The following ANKUB1 variants were observed in gnomAD, a reference collection of about 807,000 sequenced individuals.
ANKUB1 encodes the protein ankyrin repeat and ubiquitin domain containing 1.
Under a neutral mutation model 49.3 loss-of-function variants are expected in ANKUB1, and 42 were observed. The observed-to-expected ratio is 0.85, with a 90% confidence interval of 0.67 to 1.10. The LOEUF (loss-of-function observed/expected upper bound fraction) is 1.10. ANKUB1 is among the 50% of genes least tolerant of loss of function. The pLI, the probability that ANKUB1 is intolerant of heterozygous loss-of-function variation, is 0.00. For synonymous variants in ANKUB1, 222 were observed against 231.0 expected (o/e 0.96, Z 0.35); for missense variants, 613 against 642.0 (o/e 0.95, Z 0.49).
intron 5 of ANKUB1, among the ~76,000 whole-genome samples, chr3:149,762,742 C>G (rs1189377491): frequency 1.3e-5 from 2 of 152,214 alleles, no homozygotes; most frequent in African/African-American, 4.8e-5. Context: ...CCTCCTACCC[C>G]ATGGAAGGGG....
chr3:149,774,860 C>A (rs1424912314), intron 3 of ANKUB1, among the ~76,000 whole-genome samples: 2 of 152,108 alleles, frequency 1.3e-5, no homozygotes. Context: ...CTTCATAAGC[C>A]TAGGAATTCT....
chr3:149,782,485 G>A (rs964786403), intron 2 of ANKUB1, among the ~76,000 whole-genome samples: 2 of 152,084 alleles, frequency 1.3e-5, no homozygotes, highest in Non-Finnish European at 2.9e-5. Context: ...ATAAAGATAA[G>A]CATGTATAAC....
intron 2 of ANKUB1, 63 bp downstream of exon 2, chr3:149,790,718 T>C: frequency 6.9e-7 from 1 of 1,456,962 alleles, no homozygotes; most frequent in Admixed American, 2.6e-5. Flanking sequence ...TTGGTTGACT[T>C]ATCCCCAACT....
chr3:149,765,638 C>T (rs572716874), intron 5 of ANKUB1, among the ~76,000 whole-genome samples: 46 of 152,264 alleles, frequency 3.0e-4, no homozygotes, highest in South Asian at 2.1e-3. Flanking sequence ...ATAGTAAACA[C>T]TTACTGAATG....
chr3:149,791,022 T>A (rs1272368662), intron 1 of ANKUB1, 98 bp from the exon 2 acceptor site: 3 of 1,253,350 alleles, frequency 2.4e-6, no homozygotes, highest in African/African-American at 1.5e-5. Flanking sequence ...CTCTGGGCAT[T>A]ATAATTGTTT....
chr3:149,773,532 A>T (rs991035306), intron 3 of ANKUB1, among the ~76,000 whole-genome samples: 2 of 152,186 alleles, frequency 1.3e-5, no homozygotes, highest in Non-Finnish European at 2.9e-5. Flanking sequence ...ACCTTGATAA[A>T]CATTTTCCAA....
At chr3:149,764,651 T>TTTCC (rs1270399403) in intron 5 of ANKUB1, among the ~76,000 whole-genome samples, 1 of 84,818 alleles carries the variant, frequency 1.2e-5, no homozygotes, top group African/African-American at 4.7e-5. Context: ...TCTTTCTTTC[T>TTTCC]TTCCTTCCTT....
intron 3 of ANKUB1, among the ~76,000 whole-genome samples, chr3:149,774,143 C>G (rs1048420778): frequency 2.6e-5 from 4 of 152,192 alleles, no homozygotes; most frequent in Non-Finnish European, 5.9e-5. Flanking sequence ...CAATATTCTA[C>G]CCCACTTTTT....
intron 3 of ANKUB1, among the ~76,000 whole-genome samples, chr3:149,777,203 G>A (rs1717635292): frequency 6.6e-6 from 1 of 152,142 alleles, no homozygotes; most frequent in Admixed American, 6.5e-5. Context: ...GCCGGGTGTG[G>A]TGGCTCACGC....
In ANKUB1 at chr3:149,780,249, C is replaced by T; in HGVS notation, c.441G>A (p.Gln147=). 1.3e-6 allele frequency: 2 copies of T among 1,551,690 alleles called. No individual in the cohort carries two copies. The highest frequency in any genetic ancestry group is 2.0e-5 in the Admixed American group (1 of 51,008). The part of the protein sequence containing the change: ...MYDCNTLKDY[Q]TDIGTTLRLD... ...TATACTGGGCAGTACCAATATCAGT[C>T]TGGTAGTCCTTGAGGGTGTTGCAAT... The change falls in exon 3 of 6, where the codon CAG becomes CAA. Residue 147 remains glutamine, a synonymous_variant. Transcript: ENST00000446160.
intron 2 of ANKUB1, among the ~76,000 whole-genome samples, chr3:149,784,626 C>T (rs565831615): frequency 3.3e-5 from 5 of 152,238 alleles, no homozygotes; most frequent in East Asian, 1.9e-4. Context: ...TCCAATCTTC[C>T]GAAAACTACT....
rs144785380 is a variant in ANKUB1 at position 149,790,882 on chromosome 3, G to A, written c.133C>T (p.Arg45Trp). ...IPLSEDKQGR[R>W]YLELMYAGAA... ...CCAGCATACATTAACTCCAGATACC[G>A]CCTGCCTTGTTTGTCTTCAGAGAGA... Residue 45 changes from arginine (R) to tryptophan (W), a missense_variant, in exon 2 of 6, where the codon CGG (arginine) becomes TGG (tryptophan). Coordinates refer to ENST00000446160, the MANE Select transcript of ANKUB1 (RefSeq NM_001144960.3). 7.7e-4 allele frequency: 1,202 copies of A among 1,551,914 alleles called. 9 individuals carry two copies. The African/African-American group carries it at 0.013, about 17-fold the overall frequency.
rs536450401 is a variant in ANKUB1, at chr3:149,767,661, C to T, written c.1001G>A (p.Cys334Tyr). 8.2e-5 allele frequency: 127 copies of T among 1,551,686 alleles called. No individual in the cohort carries two copies. The South Asian group carries it at 1.4e-3, about 17-fold the overall frequency. The change falls in exon 5 of 6, where the codon TGT becomes TAT. Residue 334 changes from cysteine (C) to tyrosine (Y), a missense_variant. Physicochemically the swap from Cys to Tyr is radical, Grantham distance 194. Coordinates refer to ENST00000446160, the MANE Select transcript of ANKUB1 (RefSeq NM_001144960.3). The stretch of plus-strand genomic sequence containing the variant: ...TTTTGCCCCAAAGACCCTTGCTCCA[C>T]AAAACTGGCTTTTATGAAGACTGTG... ...QSHSLHKSQF[C>Y]GARVFGAKVG... is the part of the protein sequence containing the mutation.
At chr3:149,766,036 C>T (rs1716997664) in intron 5 of ANKUB1, among the ~76,000 whole-genome samples, 1 of 152,174 alleles carries the variant, frequency 6.6e-6, no homozygotes, top group East Asian at 1.9e-4. Context: ...CTTTACTTCT[C>T]ATTATATTGA....
chr3:149,767,126 G>C, intron 5 of ANKUB1, 31 bp downstream of exon 5: 8 of 1,468,630 alleles, frequency 5.4e-6, no homozygotes, highest in Non-Finnish European at 7.2e-6. Context: ...TAAAAGCTTT[G>C]CTGTTTGTAT....
chr3:149,768,475 G>A (rs1189883308), intron 4 of ANKUB1, among the ~76,000 whole-genome samples: 3 of 152,200 alleles, frequency 2.0e-5, no homozygotes, highest in Non-Finnish European at 4.4e-5. Flanking sequence ...GAACACTAGA[G>A]TTAAATTGTT....
intron 2 of ANKUB1, among the ~76,000 whole-genome samples, chr3:149,781,476 A>G (rs956579545): frequency 6.6e-6 from 1 of 152,212 alleles, no homozygotes; most frequent in Admixed American, 6.5e-5. Context: ...GGCAGATGTC[A>G]GTGCATGGCA....
chr3:149,791,569 A>T (rs74760409), intron 1 of ANKUB1, among the ~76,000 whole-genome samples: 10 of 152,234 alleles, frequency 6.6e-5, no homozygotes, highest in Admixed American at 5.9e-4. Context: ...TTAGATTTCA[A>T]TCATCATAAT....
At chr3:149,785,422 C>A (rs1232406082) in intron 2 of ANKUB1, among the ~76,000 whole-genome samples, 1 of 151,956 alleles carries the variant, frequency 6.6e-6, no homozygotes, top group Non-Finnish European at 1.5e-5. Context: ...CCCCCAACCC[C>A]ACGACAGGCC....
Sources: gnomAD v4.1 joint callset for allele counts (sites outside exome capture counted in the v4.1 genomes callset) on GRCh38, gnomAD v4.1.1 for gene constraint, MANE v1.5 for transcripts, NCBI Gene and HGNC (gene_info 2026-07-23, HGNC 2026-07-21) for gene names.